PTPRS: variants seen among roughly 807,000 people sequenced by gnomAD.
The protein encoded by PTPRS is protein tyrosine phosphatase receptor type S, also known as receptor-type tyrosine-protein phosphatase S.
Under a neutral mutation model 215.3 loss-of-function variants are expected in PTPRS, and 63 were observed. The ratio of observed to expected loss-of-function variants is 0.29; its 90% CI spans 0.24 to 0.36. PTPRS has a LOEUF of 0.36. PTPRS is among the 10% of genes least tolerant of loss of function. PTPRS has a pLI of 1.00. For missense variants in PTPRS, 2,258 were observed against 2,825.8 expected, an observed-to-expected ratio of 0.80 and a Z score of 4.56; for synonymous variants, 1,404 against 1,191.4, an observed-to-expected ratio of 1.18 and a Z score of -3.68.
chr19:5,208,518 G>A (rs2040574498), intron 35 of PTPRS, 127 bp from the exon 36 acceptor site: 1 of 1,012,090 alleles, frequency 9.9e-7, no homozygotes, highest in Non-Finnish European at 1.4e-6. Context: ...TTTCACTCTT[G>A]TCGCCCAGGT....
At chr19:5,225,958 G>T in intron 16 of PTPRS, 114 bp from the exon 17 acceptor site, 1 of 828,614 alleles carries the variant, frequency 1.2e-6, no homozygotes, top group East Asian at 2.6e-5. Flanking sequence ...ATCAGGGGTG[G>T]AGACGTGCAC....
intron 20 of PTPRS, among the ~76,000 whole-genome samples, chr19:5,220,799 A>T (rs1482722666): frequency 1.3e-5 from 2 of 152,180 alleles, no homozygotes; most frequent in Non-Finnish European, 2.9e-5. Flanking sequence ...AGGAAATGCT[A>T]GAAGAGCAGA....
chr19:5,240,558 G>C (rs1599626214), intron 11 of PTPRS, among the ~76,000 whole-genome samples: 2 of 151,974 alleles, frequency 1.3e-5, no homozygotes, highest in African/African-American at 2.4e-5. Context: ...TCCCCCTTTC[G>C]GCCGGGCACG....
At chr19:5,260,881 G>A in intron 6 of PTPRS, 59 bp from the exon 7 acceptor site, 1 of 1,592,962 alleles carries the variant, frequency 6.3e-7, no homozygotes, top group Non-Finnish European at 8.6e-7. Context: ...GGGGGGCCGG[G>A]GGGCCCCAGG....
At chr19:5,226,303 C>G (rs1265251875) in intron 16 of PTPRS, among the ~76,000 whole-genome samples, 4 of 152,126 alleles carry the variant, frequency 2.6e-5, no homozygotes, top group African/African-American at 9.7e-5. Context: ...GCCTCAGGCC[C>G]TTTGGCACTG....
intron 13 of PTPRS, among the ~76,000 whole-genome samples, chr19:5,232,052 G>C (rs2043063242): frequency 6.6e-6 from 1 of 152,052 alleles, no homozygotes; most frequent in Admixed American, 6.6e-5. Flanking sequence ...AGCACCAAGG[G>C]CTTCACAAAA....
chr19:5,308,619 C>T (rs1191212810), intron 1 of PTPRS, among the ~76,000 whole-genome samples: 2 of 152,188 alleles, frequency 1.3e-5, no homozygotes, highest in Non-Finnish European at 2.9e-5. Context: ...TGGCTGCCAG[C>T]CCCTCGGGGA....
At chr19:5,224,452 T>C (rs1217916205) in intron 17 of PTPRS, among the ~76,000 whole-genome samples, 1 of 152,150 alleles carries the variant, frequency 6.6e-6, no homozygotes, top group African/African-American at 2.4e-5. Flanking sequence ...CCAATACCCA[T>C]GGGACATAAA....
In PTPRS at chr19:5,244,448, A is replaced by G; in HGVS notation, c.1023T>C (p.Thr341=). ...TGGTGATGCTGGTGGCTGTGTTCTCAGTCACCATGGGAGTCCCGGGAGCTT... is the reference window on the plus strand; with the variant it reads ...TGGTGATGCTGGTGGCTGTGTTCTCGGTCACCATGGGAGTCCCGGGAGCTT... ...LPKAPGTPMV[T]ENTATSITIT... Residue 341 remains threonine (T), a synonymous_variant, in exon 11 of 38, where the codon ACT becomes ACC. Transcript: ENST00000262963. The surrounding 1 kb of genome is among the most constrained non-coding windows in gnomAD (Gnocchi z 7.2). 2 of 1,614,104 alleles carry G rather than the reference A, an allele frequency of 1.2e-6. No individual in the cohort carries two copies. The highest frequency in any genetic ancestry group is 1.7e-6 in the Non-Finnish European group (2 of 1,179,998).
At chr19:5,225,142 T>C (rs2042366436) in intron 17 of PTPRS, among the ~76,000 whole-genome samples, 1 of 151,784 alleles carries the variant, frequency 6.6e-6, no homozygotes, top group African/African-American at 2.4e-5. Flanking sequence ...TTGGGGACGA[T>C]GGAAGGGACA....
intron 4 of PTPRS, among the ~76,000 whole-genome samples, chr19:5,271,171 G>C (rs1343514240): frequency 1.3e-5 from 2 of 152,180 alleles, no homozygotes; most frequent in East Asian, 3.9e-4. Context: ...TCATATACAT[G>C]ACTGGGATGT....
chr19:5,328,793 C>T lies in PTPRS; in HGVS notation c.-95+11871G>A, dbSNP rs145610526. ...AAAAATACAGCCAGCCATGGTGGTG[C>T]GTGCCAGTAATCCCAGCTACTCAGG... is the stretch of plus-strand genomic sequence containing the variant. On this transcript the variant is annotated intron_variant, in intron 1 of 37. Transcript: ENST00000262963. Among the ~76,000 whole-genome samples the T allele has an allele frequency of 1.2e-3, 187 of 152,140 alleles. 4 individuals carry two copies. Among genetic ancestry groups the T allele is most frequent in the Middle Eastern group, 3.4e-3 (1 of 294 alleles).
intron 1 of PTPRS, among the ~76,000 whole-genome samples, chr19:5,331,060 C>T (rs891884866): frequency 4.2e-5 from 6 of 144,166 alleles, no homozygotes; most frequent in Admixed American, 2.2e-4. Context: ...CGCTCAGGGA[C>T]AAAGGCACCA....
At position 5,222,881 on chromosome 19, in the gene PTPRS, C is replaced by T; in HGVS notation, c.2911G>A (p.Glu971Lys). 6.3e-7 allele frequency: 1 copy of T among 1,576,906 alleles called. No homozygotes were observed. The highest frequency in any genetic ancestry group is 8.6e-7 in the Non-Finnish European group (1 of 1,168,066). ...AIVKYTVAVR[E>K]AGALGPARET... ...CGGGCAGGGCCCAGGGCACCGGCCT[C>T]CCGCACGGCCACCGTGTATTTGACG... Residue 971 changes from glutamate to lysine, a missense_variant, in exon 18 of 38, where the codon GAG becomes AAG. This residue lies in a region of PTPRS where 361 missense variants were observed against 332.6 expected (regional missense o/e 1.09). Coordinates refer to ENST00000262963, the MANE Select transcript of PTPRS (RefSeq NM_002850.4).
At chr19:5,216,310 C>T (rs2041446127) in intron 26 of PTPRS, among the ~76,000 whole-genome samples, 2 of 152,222 alleles carry the variant, frequency 1.3e-5, no homozygotes, top group East Asian at 3.9e-4. Context: ...AGAACCCTGA[C>T]CTCTCCTGGG....
intron 1 of PTPRS, among the ~76,000 whole-genome samples, chr19:5,297,009 G>A (rs971509000): frequency 3.3e-5 from 5 of 152,062 alleles, no homozygotes; most frequent in Admixed American, 6.6e-5. Flanking sequence ...ACAGAAAAGA[G>A]GGGACTCAAG....
chr19:5,252,025 G>A (rs990451888), intron 9 of PTPRS, among the ~76,000 whole-genome samples: 1 of 152,106 alleles, frequency 6.6e-6, no homozygotes. Flanking sequence ...CAATTTTAGG[G>A]CTTGGGTATT....
At chr19:5,211,333 G>A (rs1420452954) in intron 33 of PTPRS, among the ~76,000 whole-genome samples, 2 of 152,110 alleles carry the variant, frequency 1.3e-5, no homozygotes, top group African/African-American at 2.4e-5. Context: ...ATATCCTCAG[G>A]GTGTCAGAAT....
chr19:5,265,376 C>G (rs2083775210), intron 4 of PTPRS, among the ~76,000 whole-genome samples, 180 bp from the exon 5 acceptor site: 1 of 152,168 alleles, frequency 6.6e-6, no homozygotes, highest in South Asian at 2.1e-4. Flanking sequence ...GGGTCTTGCT[C>G]TGTTGCCCAG....
Sources: allele counts gnomAD v4.1 joint callset (sites outside exome capture counted in the v4.1 genomes callset), GRCh38; gene constraint gnomAD v4.1.1; regional missense constraint gnomAD v4.1.1; non-coding constraint Gnocchi (gnomAD v3.1); transcripts MANE v1.5; gene names NCBI Gene and HGNC (gene_info 2026-07-23, HGNC 2026-07-21).